Variants in KAT6B observed in about 807,000 individuals in gnomAD.
The protein encoded by KAT6B is histone acetyltransferase KAT6B.
In KAT6B, 10 loss-of-function variants were observed where a neutral mutation model predicts 187.5. The ratio of observed to expected loss-of-function variants is 0.05; its 90% confidence interval spans 0.03 to 0.09. The LOEUF is 0.09. Ranked by LOEUF, KAT6B falls within the 10% of genes least tolerant of loss-of-function variation. The probability of loss-of-function intolerance (pLI) is 1.00; values close to 1 mark genes in which losing one functional copy is unlikely to be tolerated. For synonymous variants in KAT6B, 861 were observed against 926.8 expected, an observed-to-expected ratio of 0.93 and a Z score of 1.29; for missense variants, 1,952 against 2,558.9, an observed-to-expected ratio of 0.76 and a Z score of 5.12.
rs574121599 is a variant in KAT6B, at chr10:75,030,734, C to T, written c.5910C>T (p.Asn1970=). Residue 1970 remains asparagine (N), a synonymous_variant, in exon 18 of 18, where the codon AAC becomes AAT. Coordinates refer to ENST00000287239, the MANE Select transcript of KAT6B (RefSeq NM_012330.4). This position sits in a 1 kb window ranked among gnomAD's most constrained non-coding sequence, Gnocchi z 4.8. ...TMQRGMNMSV[N]LMPAPAYNVN... ...AAAGAGGCATGAACATGAGTGTGAA[C>T]CTGATGCCAGCGCCAGCCTACAATG... 1.2e-6 allele frequency: 2 copies of T among 1,614,152 alleles called. No individual in the cohort carries two copies. Among genetic ancestry groups the T allele is most frequent in the African/African-American group, 1.3e-5 (1 of 75,046 alleles).
chr10:74,918,371 A>T (rs1161929821), intron 3 of KAT6B, among the ~76,000 whole-genome samples: 1 of 152,224 alleles, frequency 6.6e-6, no homozygotes, highest in African/African-American at 2.4e-5. Flanking sequence ...GTCAAATGTT[A>T]ACTGCCTAGC....
intron 3 of KAT6B, among the ~76,000 whole-genome samples, chr10:74,916,590 A>G (rs1262530725): frequency 2.0e-5 from 3 of 152,108 alleles, no homozygotes; most frequent in Non-Finnish European, 1.5e-5. Context: ...GTGTATTGCT[A>G]TTGACTGTAC....
At chr10:74,935,084 T>C (rs1849147950) in intron 3 of KAT6B, among the ~76,000 whole-genome samples, 1 of 152,254 alleles carries the variant, frequency 6.6e-6, no homozygotes. Flanking sequence ...ACAATTTCTG[T>C]GCTGCACAAT....
intron 13 of KAT6B, among the ~76,000 whole-genome samples, chr10:75,019,004 C>G (rs1328182377): frequency 6.6e-6 from 1 of 152,180 alleles, no homozygotes; most frequent in Non-Finnish European, 1.5e-5. Context: ...GGGCTCCCTT[C>G]ATACTCTGGC....
At chr10:74,979,747 T>A (rs957552758) in intron 10 of KAT6B, among the ~76,000 whole-genome samples, 1 of 152,218 alleles carries the variant, frequency 6.6e-6, no homozygotes, top group African/African-American at 2.4e-5. Flanking sequence ...ATTTCTGGCA[T>A]TTTATTTTCA....
intron 13 of KAT6B, among the ~76,000 whole-genome samples, chr10:74,994,629 A>G (rs1398784779): frequency 6.6e-6 from 1 of 151,902 alleles, no homozygotes; most frequent in Admixed American, 6.6e-5. Flanking sequence ...CAAAAAAAAA[A>G]CACAAAAATG....
At chr10:74,900,585 A>G (rs1287782926) in intron 3 of KAT6B, among the ~76,000 whole-genome samples, 1 of 152,196 alleles carries the variant, frequency 6.6e-6, no homozygotes, top group Non-Finnish European at 1.5e-5. Context: ...TTAGACTGTC[A>G]CCCAGGTCAT....
At chr10:74,906,587 C>G (rs1218818885) in intron 3 of KAT6B, among the ~76,000 whole-genome samples, 4 of 152,092 alleles carry the variant, frequency 2.6e-5, no homozygotes, top group Non-Finnish European at 4.4e-5. Flanking sequence ...AAGAGAAAAT[C>G]AAGAAGGCAA....
chr10:74,853,591 G>A (rs1230321618), intron 3 of KAT6B, among the ~76,000 whole-genome samples: 1 of 148,436 alleles, frequency 6.7e-6, no homozygotes, highest in South Asian at 2.2e-4. Flanking sequence ...ACCGTGCTCA[G>A]CCTTTTATTT....
chr10:74,973,691 A>C (rs571410908), intron 7 of KAT6B, among the ~76,000 whole-genome samples: 1 of 152,344 alleles, frequency 6.6e-6, no homozygotes, highest in South Asian at 2.1e-4. Flanking sequence ...TTTTCTATGA[A>C]ACTTTGCAAA....
intron 16 of KAT6B, among the ~76,000 whole-genome samples, chr10:75,022,506 C>T (rs1441408568): frequency 6.6e-6 from 1 of 152,162 alleles, no homozygotes; most frequent in Non-Finnish European, 1.5e-5. Flanking sequence ...AGTAGAGTAA[C>T]TGAGGTTTAT....
chr10:74,938,147 G>T (rs773983690), intron 3 of KAT6B, among the ~76,000 whole-genome samples: 36 of 152,102 alleles, frequency 2.4e-4, no homozygotes, highest in Non-Finnish European at 4.7e-4. Flanking sequence ...GTTTTTAAAT[G>T]ACCTGTATTC....
intron 3 of KAT6B, among the ~76,000 whole-genome samples, chr10:74,883,031 G>C (rs1844970943): frequency 6.6e-6 from 1 of 152,282 alleles, no homozygotes; most frequent in South Asian, 2.1e-4. Context: ...ATGCTCTTGA[G>C]AGAGTGACTC....
At chr10:74,848,516 CAAG>C (rs1439563358) in intron 3 of KAT6B, among the ~76,000 whole-genome samples, 6 of 151,314 alleles carry the variant, frequency 4.0e-5, no homozygotes, top group Non-Finnish European at 7.4e-5. Flanking sequence ...ACAACAACAA[CAAG>C]AACAACAACA....
rs1232345890 is a variant in KAT6B at position 75,031,427 on chromosome 10, C to G, written c.*381C>G. On this transcript the variant is annotated 3_prime_UTR_variant, in exon 18 of 18. Coordinates refer to ENST00000287239, the MANE Select transcript of KAT6B (RefSeq NM_012330.4). ...ACCTAGAGCTTTTTTTTTCCCTTCCCTGTCCACTCCATGTAAATGCCTTTA... is the reference window on the plus strand; with the variant it reads ...ACCTAGAGCTTTTTTTTTCCCTTCCGTGTCCACTCCATGTAAATGCCTTTA... 2.8e-6 allele frequency: 1 copy of G among 361,966 alleles called. No individual in the cohort carries two copies. The highest frequency in any genetic ancestry group is 2.1e-5 in the African/African-American group (1 of 48,722). 22.4% of individuals were successfully genotyped at this position (361,966 alleles called of 1,614,324 possible).
chr10:75,005,968 G>A (rs1844177388), intron 13 of KAT6B, among the ~76,000 whole-genome samples: 1 of 152,208 alleles, frequency 6.6e-6, no homozygotes, highest in Non-Finnish European at 1.5e-5. Context: ...TTACACGGCA[G>A]AAGGTACGAA....
intron 3 of KAT6B, among the ~76,000 whole-genome samples, chr10:74,918,253 G>T (rs1847850228): frequency 6.6e-6 from 1 of 152,206 alleles, no homozygotes; most frequent in African/African-American, 2.4e-5. Context: ...TTTGAGGTGA[G>T]AGAGATATAG....
chr10:75,000,162 ACT>A (rs1843729144), intron 13 of KAT6B, among the ~76,000 whole-genome samples: 1 of 150,586 alleles, frequency 6.6e-6, no homozygotes, highest in Middle Eastern at 3.5e-3. Context: ...ACAGAGCAAG[ACT>A]CTGTCTTTTT....
At chr10:74,992,234 G>A (rs1222671841) in intron 13 of KAT6B, among the ~76,000 whole-genome samples, 1 of 152,144 alleles carries the variant, frequency 6.6e-6, no homozygotes, top group East Asian at 1.9e-4. Flanking sequence ...CGAGCAGGGA[G>A]AAAGATATAG....
Sources: allele counts gnomAD v4.1 joint callset (sites outside exome capture counted in the v4.1 genomes callset), GRCh38; gene constraint gnomAD v4.1.1; non-coding constraint Gnocchi (gnomAD v3.1); transcripts MANE v1.5; gene names NCBI Gene and HGNC (gene_info 2026-07-23, HGNC 2026-07-21).